RBPMS: variants seen among roughly 807,000 people sequenced by gnomAD.
RBPMS encodes the protein RNA binding protein, mRNA processing factor.
A neutral mutation model predicts 26.8 loss-of-function variants in RBPMS; 7 were observed. The ratio of observed to expected loss-of-function variants is 0.26; its 90% CI spans 0.15 to 0.49. The LOEUF is 0.49. Among genes scored for constraint, RBPMS ranks in the 20% least tolerant of loss-of-function variants. RBPMS has a pLI of 0.98. For synonymous variants in RBPMS, 96 were observed against 93.3 expected (o/e 1.03, Z -0.17); for missense variants, 186 against 250.0 (o/e 0.74, Z 1.73).
chr8:30,554,145 C>G (rs997805334), intron 6 of RBPMS, among the ~76,000 whole-genome samples: 6 of 152,218 alleles, frequency 3.9e-5, no homozygotes, highest in Admixed American at 6.5e-5. Flanking sequence ...CAGGGGAAAC[C>G]TGCATTCAGG....
At chr8:30,512,115 T>C (rs1821785576) in intron 5 of RBPMS, among the ~76,000 whole-genome samples, 1 of 152,128 alleles carries the variant, frequency 6.6e-6, no homozygotes, top group African/African-American at 2.4e-5. Context: ...ATGTCACCCA[T>C]GCTGGCCTAA....
chr8:30,511,484 AAAATATATATATATATATATAT>A lies in RBPMS; in HGVS notation c.397+7050_397+7071del, dbSNP rs1321476426. ...AAAACAAAAAAAGAAAAAAAAAAAA[AAAATATATATATATATATATAT>A]ATATATATATATATATATATTTCTG... On this transcript the variant is annotated intron_variant, in intron 5 of 8. Coordinates refer to ENST00000397323, the MANE Select transcript of RBPMS (RefSeq NM_001008710.3). Among the ~76,000 whole-genome samples the A allele has an allele frequency of 4.7e-3, 29 of 6,144 alleles. 1 individual carries two copies. Among genetic ancestry groups the A allele is most frequent in the African/African-American group, 9.5e-3 (28 of 2,958 alleles). 4.0% of individuals were successfully genotyped at this position (6,144 alleles called of 152,430 possible).
chr8:30,492,343 C>T (rs1179758005), intron 4 of RBPMS, among the ~76,000 whole-genome samples: 2 of 152,090 alleles, frequency 1.3e-5, no homozygotes, highest in Admixed American at 1.3e-4. Flanking sequence ...GTATTAGATG[C>T]AAAAGTAGGT....
At chr8:30,518,250 C>A (rs1376516310) in intron 5 of RBPMS, among the ~76,000 whole-genome samples, 1 of 152,190 alleles carries the variant, frequency 6.6e-6, no homozygotes, top group Non-Finnish European at 1.5e-5. Context: ...ATTCCAGGCA[C>A]AGGTTAACTG....
intron 5 of RBPMS, among the ~76,000 whole-genome samples, chr8:30,524,818 A>G (rs547999364): frequency 5.8e-4 from 89 of 152,322 alleles, no homozygotes; most frequent in Non-Finnish European, 1.1e-3. Flanking sequence ...GATCACATTA[A>G]TAACTTTAGA....
chr8:30,563,888 CCAA>C (rs1268842361), intron 7 of RBPMS, among the ~76,000 whole-genome samples: 1 of 152,200 alleles, frequency 6.6e-6, no homozygotes, highest in Non-Finnish European at 1.5e-5. Context: ...GGTGCACCCA[CCAA>C]CCAGTATGAG....
intron 1 of RBPMS, among the ~76,000 whole-genome samples, chr8:30,459,910 T>C (rs138913632): frequency 9.6e-4 from 147 of 152,352 alleles, no homozygotes; most frequent in African/African-American, 3.4e-3. Context: ...TTTGTTGTCT[T>C]TTGTTGTTTC....
At chr8:30,392,004 A>G (rs1439308923) in intron 1 of RBPMS, among the ~76,000 whole-genome samples, 1 of 152,020 alleles carries the variant, frequency 6.6e-6, no homozygotes, top group Non-Finnish European at 1.5e-5. Context: ...AGCCCTGAAA[A>G]GCTATGGAGC....
intron 6 of RBPMS, chr8:30,549,501 T>C (rs768727924): frequency 6.2e-7 from 1 of 1,611,652 alleles, no homozygotes; most frequent in Non-Finnish European, 8.5e-7. Context: ...AACCTGCAGC[T>C]CTGTGAAGGT....
chr8:30,508,167 C>T (rs947568424), intron 5 of RBPMS, among the ~76,000 whole-genome samples: 3 of 152,148 alleles, frequency 2.0e-5, no homozygotes, highest in East Asian at 3.9e-4. Context: ...TGTATATACA[C>T]GGAGGAAGGG....
intron 5 of RBPMS, among the ~76,000 whole-genome samples, chr8:30,524,971 C>G (rs1016441277): frequency 1.3e-5 from 2 of 152,076 alleles, no homozygotes; most frequent in Non-Finnish European, 2.9e-5. Flanking sequence ...TTTGCTAGCA[C>G]TTTATCAGTG....
At chr8:30,419,450 A>ATATGTGTGTGTGTGTGTGTGTGTGTG (rs1554509328) in intron 1 of RBPMS, among the ~76,000 whole-genome samples, 1 of 143,176 alleles carries the variant, frequency 7.0e-6, no homozygotes, top group African/African-American at 2.6e-5. Flanking sequence ...CATCTCAAAA[A>ATATGTGTGTGTGTGTGTGTGTGTGTG]TGTGTGTGTG....
chr8:30,526,306 AT>A (rs1209905952), intron 5 of RBPMS, among the ~76,000 whole-genome samples: 2 of 152,178 alleles, frequency 1.3e-5, no homozygotes, highest in Non-Finnish European at 2.9e-5. Flanking sequence ...CCCTTTACAA[AT>A]TAGCTGCTTG....
At chr8:30,509,554 G>C (rs1821376224) in intron 5 of RBPMS, among the ~76,000 whole-genome samples, 1 of 152,180 alleles carries the variant, frequency 6.6e-6, no homozygotes, top group Non-Finnish European at 1.5e-5. Context: ...ATCTCTGCGG[G>C]ACAAGGTCAT....
intron 1 of RBPMS, among the ~76,000 whole-genome samples, chr8:30,459,771 T>G (rs1399755625): frequency 6.6e-6 from 1 of 152,222 alleles, no homozygotes; most frequent in African/African-American, 2.4e-5. Flanking sequence ...CATTAAAAAT[T>G]TATACAGTGC....
intron 1 of RBPMS, among the ~76,000 whole-genome samples, chr8:30,461,743 A>G (rs1211462738): frequency 6.6e-6 from 1 of 152,176 alleles, no homozygotes; most frequent in Non-Finnish European, 1.5e-5. Context: ...CCCTTTGCCT[A>G]GTTTCTGCCT....
intron 4 of RBPMS, among the ~76,000 whole-genome samples, chr8:30,489,494 C>T (rs1027318369): frequency 1.3e-5 from 2 of 150,434 alleles, no homozygotes; most frequent in African/African-American, 2.4e-5. Flanking sequence ...CTCGCTCTGT[C>T]GCCCAGGCTG....
chr8:30,463,898 C>T (rs143418456), intron 1 of RBPMS, among the ~76,000 whole-genome samples: 294 of 152,262 alleles, frequency 1.9e-3, no homozygotes, highest in African/African-American at 6.3e-3. Flanking sequence ...CCTGTAATCC[C>T]AGGACTTGGG....
At chr8:30,551,248 G>C (rs1826343844) in intron 6 of RBPMS, among the ~76,000 whole-genome samples, 1 of 152,176 alleles carries the variant, frequency 6.6e-6, no homozygotes, top group Non-Finnish European at 1.5e-5. Context: ...ATCCGTCCAG[G>C]GTGTTAGGGA....
Sources: allele counts gnomAD v4.1 joint callset (sites outside exome capture counted in the v4.1 genomes callset), GRCh38; gene constraint gnomAD v4.1.1; transcripts MANE v1.5; gene names NCBI Gene and HGNC (gene_info 2026-07-23, HGNC 2026-07-21).